Variants in ANKFY1 observed in about 807,000 individuals in gnomAD.
The protein encoded by ANKFY1 is ankyrin repeat and FYVE domain containing 1.
ANKFY1 carries 47 observed loss-of-function variants against 128.3 expected under a neutral mutation model. That is an observed-to-expected ratio of 0.37 (90% CI 0.29 to 0.47). The LOEUF (loss-of-function observed/expected upper bound fraction) is 0.47. Among genes scored for constraint, ANKFY1 ranks in the 20% least tolerant of loss-of-function variants. The pLI, the probability that ANKFY1 is intolerant of heterozygous loss-of-function variation, is 1.00. For missense variants in ANKFY1, 1,222 were observed against 1,510.6 expected (o/e 0.81, Z 3.17); for synonymous variants, 553 against 601.6 (o/e 0.92, Z 1.18).
chr17:4,189,967 C>A (rs1012578294), intron 10 of ANKFY1, among the ~76,000 whole-genome samples: 1 of 152,224 alleles, frequency 6.6e-6, no homozygotes, highest in Non-Finnish European at 1.5e-5. Flanking sequence ...GGGATTCCCG[C>A]TAGCCACTGC....
At chr17:4,173,787 G>A in intron 20 of ANKFY1, 122 bp downstream of exon 20, 1 of 1,344,026 alleles carries the variant, frequency 7.4e-7, no homozygotes, top group Non-Finnish European at 1.0e-6. Context: ...AGCACTTCCT[G>A]TCACAGCTTT....
At chr17:4,182,397 G>A (rs767473041) in intron 14 of ANKFY1, 48 bp from the exon 15 acceptor site, 2 of 1,452,680 alleles carry the variant, frequency 1.4e-6, no homozygotes, top group Non-Finnish European at 9.2e-7. Flanking sequence ...TGAACCCAAA[G>A]CACAGAAGGT....
intron 12 of ANKFY1, 31 bp from the exon 13 acceptor site, chr17:4,183,941 G>C: frequency 6.4e-7 from 1 of 1,556,248 alleles, no homozygotes; most frequent in Non-Finnish European, 8.9e-7. Context: ...AAGAACACTT[G>C]ATGTCACCAT....
At chr17:4,223,877 G>A in intron 3 of ANKFY1, 1 of 836,808 alleles carries the variant, frequency 1.2e-6, no homozygotes, top group Non-Finnish European at 1.9e-6. Context: ...GCCTGTCATG[G>A]ATGCTTTGTA....
intron 3 of ANKFY1, among the ~76,000 whole-genome samples, chr17:4,218,723 T>TG (rs2060260375): frequency 6.6e-6 from 1 of 152,098 alleles, no homozygotes; most frequent in Non-Finnish European, 1.5e-5. Flanking sequence ...AAAAATTAGC[T>TG]GGGCACATGC....
At position 4,179,832 on chromosome 17, in the gene ANKFY1, T is replaced by C. The variant is rs199550762; in HGVS notation, c.2286A>G (p.Glu762=). 7.1e-4 allele frequency: 1,143 copies of C among 1,614,114 alleles called. 1 individual carries two copies. The highest frequency in any genetic ancestry group is 9.3e-4 in the Non-Finnish European group (1,103 of 1,180,036). ...NSPRQPGANG[E]GEEEARDGQT... ...GCCCATCTCTAGCCTCTTCCTCTCC[T>C]TCTCCATTGGCGCCTGGTTGTCTGG... Residue 762 remains glutamate (E), a synonymous_variant, in exon 17 of 25, where the codon GAA becomes GAG. Transcript: ENST00000341657.
chr17:4,238,660 GAC>G (rs1398993700), intron 2 of ANKFY1, among the ~76,000 whole-genome samples: 1 of 151,858 alleles, frequency 6.6e-6, no homozygotes, highest in Non-Finnish European at 1.5e-5. Context: ...TTTTAGTAGA[GAC>G]AGAGTTTCAC....
chr17:4,247,605 T>C (rs1598145935), intron 1 of ANKFY1, among the ~76,000 whole-genome samples: 1 of 152,200 alleles, frequency 6.6e-6, no homozygotes, highest in East Asian at 1.9e-4. Flanking sequence ...GGCTGAGACA[T>C]TACCAGCCCG....
chr17:4,186,858 C>T (rs2059621009), intron 11 of ANKFY1: 2 of 1,016,436 alleles, frequency 2.0e-6, no homozygotes, highest in African/African-American at 3.4e-5. Context: ...CCCATTCTTG[C>T]ATCTAATTTT....
At chr17:4,253,925 T>G (rs1282198245) in intron 1 of ANKFY1, among the ~76,000 whole-genome samples, 1 of 152,134 alleles carries the variant, frequency 6.6e-6, no homozygotes, top group Admixed American at 6.6e-5. Flanking sequence ...GAATGTTACC[T>G]TATATGACAA....
chr17:4,187,451 GC>G, intron 11 of ANKFY1: 1 of 392,728 alleles, frequency 2.5e-6, no homozygotes, highest in East Asian at 3.6e-5. Context: ...CTACTTCTCT[GC>G]CCAAAACCCT....
At chr17:4,207,722 G>T (rs1158682500) in intron 6 of ANKFY1, among the ~76,000 whole-genome samples, 3 of 151,940 alleles carry the variant, frequency 2.0e-5, no homozygotes, top group Non-Finnish European at 4.4e-5. Context: ...GCATTTAAGA[G>T]GTTTTTAAAT....
chr17:4,206,648 A>G (rs2060030286), intron 6 of ANKFY1, among the ~76,000 whole-genome samples, 162 bp from the exon 7 acceptor site: 1 of 152,202 alleles, frequency 6.6e-6, no homozygotes, highest in Non-Finnish European at 1.5e-5. Flanking sequence ...ACAAACTTCT[A>G]TCAGGCTTCC....
chr17:4,223,908 A>T (rs2060373440), intron 3 of ANKFY1: 2 of 638,828 alleles, frequency 3.1e-6, no homozygotes, highest in Non-Finnish European at 5.4e-6. Flanking sequence ...CGCCAACAGA[A>T]GCACATTTGT....
chr17:4,166,796 C>G lies in ANKFY1; in HGVS notation c.*983G>C, dbSNP rs1395616141. 1 of 152,270 alleles carries G rather than the reference C, an allele frequency of 6.6e-6. No homozygotes were observed. The highest frequency in any genetic ancestry group is 1.5e-5 in the Non-Finnish European group (1 of 68,060). 9.4% of individuals were successfully genotyped at this position (152,270 alleles called of 1,614,324 possible). On this transcript the variant is annotated 3_prime_UTR_variant, in exon 25 of 25. Coordinates refer to ENST00000341657, the MANE Select transcript of ANKFY1 (RefSeq NM_001330063.2). ...GGGGCTGAAGCCTTGGTGACTCCCCCTCTCATCACTTGGCCTGTATGAATC... is the reference window on the plus strand; with the variant it reads ...GGGGCTGAAGCCTTGGTGACTCCCCGTCTCATCACTTGGCCTGTATGAATC...
intron 22 of ANKFY1, 44 bp from the exon 23 acceptor site, chr17:4,170,905 A>G: frequency 6.2e-7 from 1 of 1,612,004 alleles, no homozygotes; most frequent in Non-Finnish European, 8.5e-7. Context: ...CACCCGGCCC[A>G]GCCCGGCAGC....
At position 4,167,798 on chromosome 17, in the gene ANKFY1, G is replaced by A; in HGVS notation, c.3491C>T (p.Thr1164Ile). ...GGCTCACTAAGAAACCCCACCCAGAGTCAGTACATCAAAACAAATGTTGCA... is the reference window on the plus strand; with the variant it reads ...GGCTCACTAAGAAACCCCACCCAGAATCAGTACATCAAAACAAATGTTGCA... ...RVCNICFDVL[T>I]LGGVS The change falls in exon 25 of 25, where the codon ACT becomes ATT. Residue 1164 changes from threonine to isoleucine, a missense_variant. Physicochemically the swap from Thr to Ile is moderately conservative, Grantham distance 89. Transcript: ENST00000341657. The surrounding 1 kb of genome is among the most constrained non-coding windows in gnomAD (Gnocchi z 4.1). 3 of 1,613,688 alleles carry A rather than the reference G, an allele frequency of 1.9e-6. No individual in the cohort carries two copies. Among genetic ancestry groups the A allele is most frequent in the Non-Finnish European group, 2.5e-6 (3 of 1,179,766 alleles).
chr17:4,233,922 C>T (rs999295377), intron 3 of ANKFY1, among the ~76,000 whole-genome samples: 3 of 152,220 alleles, frequency 2.0e-5, no homozygotes, highest in Admixed American at 6.5e-5. Context: ...TTCGGCAAGT[C>T]CAGTCATAAG....
intron 1 of ANKFY1, among the ~76,000 whole-genome samples, chr17:4,251,808 A>G (rs1036640329): frequency 2.6e-5 from 4 of 152,070 alleles, no homozygotes; most frequent in Admixed American, 6.5e-5. Flanking sequence ...GCCAAGGTGG[A>G]TGGATCACTT....
Sources: allele counts gnomAD v4.1 joint callset (sites outside exome capture counted in the v4.1 genomes callset), GRCh38; gene constraint gnomAD v4.1.1; non-coding constraint Gnocchi (gnomAD v3.1); transcripts MANE v1.5; gene names NCBI Gene and HGNC (gene_info 2026-07-23, HGNC 2026-07-21).